The following GRIA4 variants were observed in gnomAD, a reference collection of about 807,000 sequenced individuals.
GRIA4 encodes the protein glutamate receptor 4.
GRIA4 carries 34 observed loss-of-function variants against 104.0 expected under a neutral mutation model. The ratio of observed to expected loss-of-function variants is 0.33; its 90% CI spans 0.25 to 0.44. The LOEUF (loss-of-function observed/expected upper bound fraction) is 0.44, where lower values mean the gene tolerates loss of function less well. GRIA4 is among the 20% of genes least tolerant of loss of function. The pLI, the probability that GRIA4 is intolerant of heterozygous loss-of-function variation, is 1.00. For synonymous variants in GRIA4, 386 were observed against 381.9 expected, an observed-to-expected ratio of 1.01 and a Z score of -0.13; for missense variants, 750 against 1,096.5, an observed-to-expected ratio of 0.68 and a Z score of 4.46.
rs1379230900 is a variant in GRIA4, at chr11:105,844,557, C to T, written c.488-17467C>T. Among the ~76,000 whole-genome samples, 3 of 152,274 alleles carry T rather than the reference C, an allele frequency of 2.0e-5. No homozygotes were observed. In the East Asian group the frequency reaches 5.8e-4, roughly 29 times the overall value. ...GCATTAAGAACAAACTATTCAGTAA[C>T]AGCTTTTAATAAGGTAAATATCCAA... is the stretch of plus-strand genomic sequence containing the variant. On this transcript the variant is annotated intron_variant, in intron 4 of 16. Transcript: ENST00000282499.
chr11:105,700,364 C>T (rs544245129), intron 3 of GRIA4, among the ~76,000 whole-genome samples: 41 of 152,122 alleles, frequency 2.7e-4, no homozygotes, highest in Non-Finnish European at 4.9e-4. Context: ...ATTGTGTTGG[C>T]AATTGCAAGC....
At chr11:105,660,246 A>T (rs1591519671) in intron 3 of GRIA4, among the ~76,000 whole-genome samples, 2 of 151,916 alleles carry the variant, frequency 1.3e-5, no homozygotes, top group South Asian at 2.1e-4. Context: ...TGATAATAAA[A>T]TTAGAAATCA....
chr11:105,791,371 CA>C (rs1316588119), intron 4 of GRIA4, among the ~76,000 whole-genome samples: 2 of 152,072 alleles, frequency 1.3e-5, no homozygotes, highest in African/African-American at 2.4e-5. Context: ...TTGGTCTCAA[CA>C]AAAAACAATG....
At chr11:105,795,135 C>T (rs1942426929) in intron 4 of GRIA4, among the ~76,000 whole-genome samples, 2 of 152,044 alleles carry the variant, frequency 1.3e-5, no homozygotes, top group South Asian at 4.1e-4. Flanking sequence ...TAACTGGTTA[C>T]TTTTGTTGTC....
In GRIA4 at chr11:105,785,935, A is replaced by G. The variant is rs191448633; in HGVS notation, c.487+32715A>G. On this transcript the variant is annotated intron_variant, in intron 4 of 16. Coordinates refer to ENST00000282499, the MANE Select transcript of GRIA4 (RefSeq NM_000829.4). ...TCAAGGAGGGTGGATCACTGAGGCC[A>G]GGAGTTCAAGACCAGCCTGGACAAC... 3.9e-3 allele frequency among the ~76,000 whole-genome samples: 598 copies of G among 152,196 alleles called. 6 individuals are homozygous for G. Among genetic ancestry groups the G allele is most frequent in the African/African-American group, 0.013 (549 of 41,516 alleles).
chr11:105,887,637 T>C (rs1246746945), intron 6 of GRIA4, 65 bp downstream of exon 6: 1 of 773,746 alleles, frequency 1.3e-6, no homozygotes, highest in East Asian at 2.5e-5. Flanking sequence ...ATTTTAACTG[T>C]GCCTTAAATA....
chr11:105,679,609 G>C (rs892825771), intron 3 of GRIA4, among the ~76,000 whole-genome samples: 12 of 151,968 alleles, frequency 7.9e-5, no homozygotes, highest in African/African-American at 2.9e-4. Context: ...ATGATATAAA[G>C]TTAACAATAC....
chr11:105,878,181 G>A (rs1180177048), intron 5 of GRIA4, among the ~76,000 whole-genome samples: 61 of 152,140 alleles, frequency 4.0e-4, no homozygotes, highest in Non-Finnish European at 8.8e-5. Flanking sequence ...CTTTTCTGCA[G>A]GTCTGCTGCA....
chr11:105,745,674 C>A (rs1188930549), intron 3 of GRIA4, among the ~76,000 whole-genome samples: 1 of 152,082 alleles, frequency 6.6e-6, no homozygotes, highest in African/African-American at 2.4e-5. Flanking sequence ...CTATCTAGTT[C>A]ATATGTTGTT....
At chr11:105,896,015 G>T (rs764307767) in intron 6 of GRIA4, among the ~76,000 whole-genome samples, 12 of 152,048 alleles carry the variant, frequency 7.9e-5, no homozygotes, top group Non-Finnish European at 1.6e-4. Flanking sequence ...TTTCCATAGG[G>T]GTTGGACTAA....
intron 3 of GRIA4, among the ~76,000 whole-genome samples, chr11:105,643,616 G>A (rs186974306): frequency 1.1e-3 from 166 of 152,312 alleles, no homozygotes; most frequent in African/African-American, 3.8e-3. Flanking sequence ...CTAGTGTTAA[G>A]ACTACTCAGT....
intron 3 of GRIA4, among the ~76,000 whole-genome samples, chr11:105,727,028 G>A (rs1033051912): frequency 6.6e-6 from 1 of 152,058 alleles, no homozygotes; most frequent in African/African-American, 2.4e-5. Context: ...ACTGGACAGA[G>A]AATGAGTTTG....
chr11:105,755,944 G>C (rs1307146896), intron 4 of GRIA4, among the ~76,000 whole-genome samples: 5 of 152,088 alleles, frequency 3.3e-5, no homozygotes, highest in Non-Finnish European at 4.4e-5. Context: ...TGCCTCCTCT[G>C]GTTCTCAGGC....
At chr11:105,657,721 T>A (rs181971667) in intron 3 of GRIA4, among the ~76,000 whole-genome samples, 78 of 152,162 alleles carry the variant, frequency 5.1e-4, no homozygotes, top group African/African-American at 1.8e-3. Flanking sequence ...ATCAGTCACC[T>A]ACTGATGGCA....
chr11:105,924,700 T>G lies in GRIA4; in HGVS notation c.1778T>G (p.Phe593Cys). The G allele has an allele frequency of 6.2e-7, 1 of 1,612,564 alleles. No homozygotes were observed. Among genetic ancestry groups the G allele is most frequent in the Non-Finnish European group, 8.5e-7 (1 of 1,178,906 alleles). The change falls in exon 12 of 17, where the codon TTT becomes TGT. Residue 593 changes from phenylalanine to cysteine, a missense_variant. Around this residue, in one of 3 missense-constraint regions of GRIA4, gnomAD observed 272 missense variants for 524.5 expected, o/e 0.52. Coordinates refer to ENST00000282499, the MANE Select transcript of GRIA4 (RefSeq NM_000829.4). ...CCCAGCGACCAGCCTCCCAATGAGT[T>G]TGGCATCTTTAACAGCCTCTGGTTT... ...EGPSDQPPNEFGIFNSLWFSL... is the reference protein window; with the variant it reads ...EGPSDQPPNECGIFNSLWFSL...
chr11:105,919,187 G>C (rs560863040), intron 11 of GRIA4, among the ~76,000 whole-genome samples: 2 of 152,096 alleles, frequency 1.3e-5, no homozygotes, highest in East Asian at 3.9e-4. Flanking sequence ...TCAGGATCTG[G>C]AGTGACTATT....
intron 4 of GRIA4, among the ~76,000 whole-genome samples, chr11:105,808,968 T>A (rs1943062631): frequency 6.6e-6 from 1 of 152,052 alleles, no homozygotes; most frequent in Non-Finnish European, 1.5e-5. Context: ...GGTCAGTTAG[T>A]CATCATTTCT....
chr11:105,952,187 T>G (rs1241215467), intron 14 of GRIA4, among the ~76,000 whole-genome samples: 1 of 152,164 alleles, frequency 6.6e-6, no homozygotes, highest in South Asian at 2.1e-4. Flanking sequence ...TAAATGTTAT[T>G]CGAATTTAGA....
At position 105,610,983 on chromosome 11, in the gene GRIA4, A is replaced by G. The variant is rs201385770; in HGVS notation, c.-15A>G. Reference sequence around the variant, plus strand: ...GAAAGAGAGAGAGCGCGCGCCAGGGAGAGGAGAAAAGAAGATGAGGATTAT... The same window carrying G: ...GAAAGAGAGAGAGCGCGCGCCAGGGGGAGGAGAAAAGAAGATGAGGATTAT... On this transcript the variant is annotated 5_prime_UTR_variant, in exon 2 of 17. Coordinates refer to ENST00000282499, the MANE Select transcript of GRIA4 (RefSeq NM_000829.4). The G allele has an allele frequency of 1.1e-4, 178 of 1,568,810 alleles. No individual in the cohort carries two copies. The East Asian group carries it at 2.9e-3, about 25-fold the overall frequency.
Sources: allele counts gnomAD v4.1 joint callset (sites outside exome capture counted in the v4.1 genomes callset), GRCh38; gene constraint gnomAD v4.1.1; regional missense constraint gnomAD v4.1.1; transcripts MANE v1.5; gene names NCBI Gene and HGNC (gene_info 2026-07-23, HGNC 2026-07-21).